The following HCRTR2 variants were observed in gnomAD, a reference collection of about 807,000 sequenced individuals.
The protein encoded by HCRTR2 is hypocretin receptor 2.
A neutral mutation model predicts 49.0 loss-of-function variants in HCRTR2; 22 were observed. The ratio of observed to expected loss-of-function variants is 0.45; its 90% CI spans 0.32 to 0.64. The LOEUF (loss-of-function observed/expected upper bound fraction) is 0.64. Among genes scored for constraint, HCRTR2 ranks in the 30% least tolerant of loss-of-function variants. HCRTR2 has a pLI of 0.04. For missense variants in HCRTR2, 491 were observed against 559.4 expected (o/e 0.88, Z 1.23); for synonymous variants, 236 against 205.3 (o/e 1.15, Z -1.28).
intron 1 of HCRTR2, among the ~76,000 whole-genome samples, chr6:55,167,706 C>A (rs529743086): frequency 6.6e-6 from 1 of 152,226 alleles, no homozygotes; most frequent in South Asian, 2.1e-4. Flanking sequence ...TCAGAGCACC[C>A]GACGATAATG....
At chr6:55,254,455 ATT>A (rs1766611870) in intron 2 of HCRTR2, among the ~76,000 whole-genome samples, 2 of 152,252 alleles carry the variant, frequency 1.3e-5, no homozygotes, top group South Asian at 2.1e-4. Flanking sequence ...TTATATACAA[ATT>A]TTGACTGGGT....
At chr6:55,152,469 T>C (rs1452154782) in intron 1 of HCRTR2, among the ~76,000 whole-genome samples, 1 of 152,034 alleles carries the variant, frequency 6.6e-6, no homozygotes, top group African/African-American at 2.4e-5. Context: ...CAGTTCCTTA[T>C]ATATTTTGGA....
At chr6:55,220,984 C>T (rs1033949925) in intron 1 of HCRTR2, among the ~76,000 whole-genome samples, 2 of 152,052 alleles carry the variant, frequency 1.3e-5, no homozygotes, top group Non-Finnish European at 2.9e-5. Flanking sequence ...TAGTAATAAG[C>T]TTAACCAAGG....
chr6:55,178,138 T>C (rs763446521), intron 1 of HCRTR2, among the ~76,000 whole-genome samples: 3 of 152,160 alleles, frequency 2.0e-5, no homozygotes, highest in Non-Finnish European at 4.4e-5. Flanking sequence ...TGTAAAGAAA[T>C]GTGACTGATG....
intron 1 of HCRTR2, among the ~76,000 whole-genome samples, chr6:55,116,918 C>T (rs886924354): frequency 1.2e-4 from 18 of 151,624 alleles, no homozygotes; most frequent in Non-Finnish European, 1.6e-4. Flanking sequence ...CCTTGCTAAA[C>T]GTGCTTTCCT....
chr6:55,121,948 G>C (rs1764206035), intron 1 of HCRTR2, among the ~76,000 whole-genome samples: 1 of 152,130 alleles, frequency 6.6e-6, no homozygotes, highest in South Asian at 2.1e-4. Context: ...TCTCTGCCAA[G>C]TTTTGGTATC....
chr6:55,276,889 G>A (rs966928719), intron 4 of HCRTR2, among the ~76,000 whole-genome samples: 1 of 152,116 alleles, frequency 6.6e-6, no homozygotes, highest in Non-Finnish European at 1.5e-5. Context: ...AACTCGAGAA[G>A]CAGAAAACCT....
In HCRTR2 at chr6:55,255,318, C is replaced by G; in HGVS notation, c.585C>G (p.Thr195=). 6.2e-7 allele frequency: 1 copy of G among 1,613,956 alleles called. No homozygotes were observed. The highest frequency in any genetic ancestry group is 8.5e-7 in the Non-Finnish European group (1 of 1,179,926). The change falls in exon 3 of 7, where the codon ACC becomes ACG. Residue 195 remains threonine (T), a synonymous_variant. Transcript: ENST00000370862. ...AGGCCATCGTCATGGAGTGCAGCAC[C>G]GTGTTCCCAGGCTTAGCCAATAAAA... ...IPQAIVMECS[T]VFPGLANKTT...
At chr6:55,154,490 A>G (rs1469452793) in intron 1 of HCRTR2, among the ~76,000 whole-genome samples, 3 of 151,816 alleles carry the variant, frequency 2.0e-5, no homozygotes, top group Admixed American at 1.3e-4. Flanking sequence ...AATGTGATAT[A>G]CCACTTTAAC....
chr6:55,202,498 T>A (rs944816167), intron 1 of HCRTR2, among the ~76,000 whole-genome samples: 40 of 152,328 alleles, frequency 2.6e-4, no homozygotes, highest in African/African-American at 8.4e-4. Flanking sequence ...AGGTGGCTGA[T>A]GAACAACAGA....
intron 1 of HCRTR2, among the ~76,000 whole-genome samples, chr6:55,186,320 T>C (rs573913309): frequency 6.6e-6 from 1 of 152,328 alleles, no homozygotes; most frequent in African/African-American, 2.4e-5. Flanking sequence ...TATATAAATA[T>C]TTAAAATAAA....
At chr6:55,232,487 T>G (rs1766134694) in intron 1 of HCRTR2, among the ~76,000 whole-genome samples, 1 of 152,188 alleles carries the variant, frequency 6.6e-6, no homozygotes, top group South Asian at 2.1e-4. Flanking sequence ...TAAAAGGATA[T>G]CATCTTACCT....
intron 5 of HCRTR2, among the ~76,000 whole-genome samples, chr6:55,278,128 A>G (rs1158677890): frequency 6.6e-6 from 1 of 152,232 alleles, no homozygotes; most frequent in East Asian, 1.9e-4. Flanking sequence ...AGAAGAATTC[A>G]TTTCCTGAAG....
intron 1 of HCRTR2, among the ~76,000 whole-genome samples, chr6:55,194,735 G>A (rs1162960014): frequency 6.6e-6 from 1 of 151,988 alleles, no homozygotes; most frequent in Non-Finnish European, 1.5e-5. Context: ...TATGAGTTTG[G>A]TATTTAATTA....
intron 1 of HCRTR2, among the ~76,000 whole-genome samples, chr6:55,151,503 AC>A (rs1482052191): frequency 2.6e-5 from 4 of 152,022 alleles, no homozygotes; most frequent in Admixed American, 2.6e-4. Context: ...TAATTCAGTC[AC>A]ATCTTCAGGC....
At chr6:55,214,743 A>G (rs1765758508) in intron 1 of HCRTR2, among the ~76,000 whole-genome samples, 1 of 152,094 alleles carries the variant, frequency 6.6e-6, no homozygotes, top group African/African-American at 2.4e-5. Context: ...ACTATAAGTA[A>G]AGAGATACAT....
At chr6:55,202,028 A>G (rs1273869165) in intron 1 of HCRTR2, among the ~76,000 whole-genome samples, 2 of 152,170 alleles carry the variant, frequency 1.3e-5, no homozygotes, top group Admixed American at 1.3e-4. Flanking sequence ...AATATTAAAA[A>G]ATTAAATGTA....
chr6:55,255,063 A>G, intron 2 of HCRTR2, 73 bp from the exon 3 acceptor site: 19 of 1,528,852 alleles, frequency 1.2e-5, no homozygotes, highest in East Asian at 2.4e-5. Flanking sequence ...CCTTTCTCAT[A>G]TAGTAAATAT....
chr6:55,216,832 A>G (rs920470609), intron 1 of HCRTR2, among the ~76,000 whole-genome samples: 6 of 152,004 alleles, frequency 3.9e-5, no homozygotes, highest in Admixed American at 6.6e-5. Context: ...TTTACTCAAC[A>G]TTGCTGTAGT....
Sources: allele counts gnomAD v4.1 joint callset (sites outside exome capture counted in the v4.1 genomes callset), GRCh38; gene constraint gnomAD v4.1.1; transcripts MANE v1.5; gene names NCBI Gene and HGNC (gene_info 2026-07-23, HGNC 2026-07-21).